Variants in NLGN1 observed in about 807,000 individuals in gnomAD.
NLGN1 encodes neuroligin-1.
In NLGN1, 12 loss-of-function variants were observed where a neutral mutation model predicts 65.5. The observed-to-expected ratio is 0.18, with a 90% confidence interval of 0.12 to 0.30. NLGN1 has a LOEUF of 0.30. Among genes scored for constraint, NLGN1 ranks in the 10% least tolerant of loss-of-function variants. NLGN1 has a pLI of 1.00. For synonymous variants in NLGN1, 350 were observed against 359.5 expected (o/e 0.97, Z 0.30); for missense variants, 750 against 1,007.1 (o/e 0.74, Z 3.46).
At chr3:174,064,822 G>T (rs1158408339) in intron 4 of NLGN1, among the ~76,000 whole-genome samples, 1 of 150,066 alleles carries the variant, frequency 6.7e-6, no homozygotes, top group Non-Finnish European at 1.5e-5. Context: ...AAAGAAATAA[G>T]AATGTAAGGT....
chr3:173,718,688 GAGTT>G (rs1770292463), intron 3 of NLGN1, among the ~76,000 whole-genome samples: 1 of 152,152 alleles, frequency 6.6e-6, no homozygotes, highest in African/African-American at 2.4e-5. Flanking sequence ...TGAATATCCT[GAGTT>G]AGGCCAATAG....
chr3:173,444,909 T>C (rs1422661462), intron 2 of NLGN1, among the ~76,000 whole-genome samples: 1 of 151,790 alleles, frequency 6.6e-6, no homozygotes. Context: ...CAGAAAATAT[T>C]TTCTTTGGTG....
chr3:173,630,991 G>A (rs563100829), intron 3 of NLGN1, among the ~76,000 whole-genome samples: 1 of 152,258 alleles, frequency 6.6e-6, no homozygotes, highest in South Asian at 2.1e-4. Context: ...GTCCCAAGAA[G>A]AGAGCGAGAA....
At chr3:174,155,892 CA>C (rs1442776297) in intron 4 of NLGN1, among the ~76,000 whole-genome samples, 1 of 151,890 alleles carries the variant, frequency 6.6e-6, no homozygotes, top group African/African-American at 2.4e-5. Flanking sequence ...AGAGCAAGGA[CA>C]TAAAGTTATT....
At chr3:173,700,998 G>A (rs71310555) in intron 3 of NLGN1, among the ~76,000 whole-genome samples, 23,575 of 151,946 alleles carry the variant, frequency 0.16, 1,877 homozygotes, top group Middle Eastern at 0.22. Context: ...GGTGGCGGGC[G>A]CCTGTAGTCC....
chr3:173,925,676 A>G (rs765622871), intron 4 of NLGN1, among the ~76,000 whole-genome samples: 14 of 152,198 alleles, frequency 9.2e-5, no homozygotes, highest in Admixed American at 3.3e-4. Flanking sequence ...GAGTAGGGGA[A>G]GATAAGATTG....
At chr3:174,198,188 A>G (rs1036375030) in intron 4 of NLGN1, among the ~76,000 whole-genome samples, 4 of 152,212 alleles carry the variant, frequency 2.6e-5, no homozygotes, top group African/African-American at 9.7e-5. Context: ...AGAAGAAAAT[A>G]AAACAGCTAA....
rs149351285 is a variant in NLGN1, at chr3:173,894,892, C to T, written c.646+87060C>T. On this transcript the variant is annotated intron_variant, in intron 4 of 6. Transcript: ENST00000457714. ...CCTCAAGTGATCCACCCGCCTCGGC[C>T]TCCCAAAGTGCTGGGATTACAGGCA... Among the ~76,000 whole-genome samples the T allele has an allele frequency of 9.8e-4, 144 of 146,832 alleles. 2 individuals carry two copies. The East Asian group carries it at 0.024, about 24-fold the overall frequency.
At chr3:173,664,454 G>A (rs1455781721) in intron 3 of NLGN1, among the ~76,000 whole-genome samples, 1 of 152,092 alleles carries the variant, frequency 6.6e-6, no homozygotes, top group Non-Finnish European at 1.5e-5. Flanking sequence ...GATACTTCTA[G>A]AATAAATATA....
At chr3:173,591,457 G>A (rs1405345970) in intron 2 of NLGN1, among the ~76,000 whole-genome samples, 1 of 152,150 alleles carries the variant, frequency 6.6e-6, no homozygotes, top group African/African-American at 2.4e-5. Flanking sequence ...GAAAGGCGTT[G>A]GTGGTCTTAG....
intron 1 of NLGN1, among the ~76,000 whole-genome samples, chr3:173,427,587 ATGT>A (rs1233850177): frequency 6.6e-6 from 1 of 151,824 alleles, no homozygotes; most frequent in African/African-American, 2.4e-5. Flanking sequence ...TTTCAAGGCC[ATGT>A]TGTTTAATTT....
chr3:173,785,175 A>AG (rs1409399410), intron 3 of NLGN1, among the ~76,000 whole-genome samples: 1 of 152,182 alleles, frequency 6.6e-6, no homozygotes, highest in Non-Finnish European at 1.5e-5. Context: ...TGCACTCGGC[A>AG]GGGGGCCAAG....
intron 3 of NLGN1, among the ~76,000 whole-genome samples, chr3:173,766,224 G>A (rs565767535): frequency 1.3e-5 from 2 of 152,002 alleles, no homozygotes; most frequent in South Asian, 4.2e-4. Context: ...GAGTAGGTGG[G>A]ATTACAGACA....
chr3:173,415,369 C>G (rs1296546980), intron 1 of NLGN1, among the ~76,000 whole-genome samples: 3 of 152,180 alleles, frequency 2.0e-5, no homozygotes, highest in Non-Finnish European at 2.9e-5. Flanking sequence ...ATGTCTTTCT[C>G]TGATCCTTAT....
At chr3:173,933,909 C>G (rs1357752084) in intron 4 of NLGN1, among the ~76,000 whole-genome samples, 2 of 151,690 alleles carry the variant, frequency 1.3e-5, no homozygotes, top group African/African-American at 4.8e-5. Flanking sequence ...AGATCACAGT[C>G]CTTTGTATTA....
rs756157881 is a variant in NLGN1 at position 173,675,887 on chromosome 3, T to TCTCTCACA, written c.493+70797_493+70798insTCTCACAC. On this transcript the variant is annotated intron_variant, in intron 3 of 6. Transcript: ENST00000457714. Reference sequence around the variant, plus strand: ...CTCTTTGTCTCTCTCTCTCTCTCTCTCACACACACACACACACACACACAC... The same window carrying TCTCTCACA: ...CTCTTTGTCTCTCTCTCTCTCTCTCTCTCTCACACACACACACACACACACACACACAC... Among the ~76,000 whole-genome samples the TCTCTCACA allele has an allele frequency of 3.8e-3, 529 of 138,634 alleles. 5 individuals are homozygous for TCTCTCACA. Among genetic ancestry groups the TCTCTCACA allele is most frequent in the Middle Eastern group, 0.019 (5 of 260 alleles). The allele number at this position is 138,634 out of a possible 152,430, so 90.9% of individuals were successfully genotyped here.
intron 3 of NLGN1, among the ~76,000 whole-genome samples, chr3:173,699,530 A>AT (rs1386986337): frequency 6.6e-6 from 1 of 152,216 alleles, no homozygotes; most frequent in Non-Finnish European, 1.5e-5. Flanking sequence ...ATTCTTTGAA[A>AT]TAAGTTGTTC....
intron 4 of NLGN1, among the ~76,000 whole-genome samples, chr3:173,874,918 A>G (rs1030596604): frequency 1.3e-5 from 2 of 152,226 alleles, no homozygotes; most frequent in Admixed American, 6.5e-5. Context: ...CCTGAGCCCT[A>G]GGACTATTGC....
chr3:174,226,472 A>G (rs1739719182), intron 4 of NLGN1, among the ~76,000 whole-genome samples: 1 of 152,128 alleles, frequency 6.6e-6, no homozygotes, highest in Non-Finnish European at 1.5e-5. Context: ...TTTTTCTTGT[A>G]CAAGTAGCAT....
Sources: allele counts gnomAD v4.1 joint callset (sites outside exome capture counted in the v4.1 genomes callset), GRCh38; gene constraint gnomAD v4.1.1; transcripts MANE v1.5; gene names NCBI Gene and HGNC (gene_info 2026-07-23, HGNC 2026-07-21).